The following MYADML2 variants were observed in gnomAD, a reference collection of about 807,000 sequenced individuals.
The protein encoded by MYADML2 is myeloid-associated differentiation marker-like protein 2.
MYADML2 carries 17 observed loss-of-function variants against 16.0 expected under a neutral mutation model. The ratio of observed to expected loss-of-function variants is 1.06; its 90% confidence interval spans 0.73 to 1.60. The LOEUF (loss-of-function observed/expected upper bound fraction) is 1.60, where lower values mean the gene tolerates loss of function less well. MYADML2 is among the 40% of genes most tolerant of loss of function. The pLI, the probability that MYADML2 is intolerant of heterozygous loss-of-function variation, is 0.00. For synonymous variants in MYADML2, 210 were observed against 208.1 expected (o/e 1.01, Z -0.08); for missense variants, 422 against 437.7 (o/e 0.96, Z 0.32).
In MYADML2 at chr17:81,947,143, C is replaced by G. The variant is rs1051150569; in HGVS notation, c.-265G>C. The G allele has an allele frequency of 6.6e-6, 1 of 152,168 alleles. No individual in the cohort carries two copies. The highest frequency in any genetic ancestry group is 2.4e-5 in the African/African-American group (1 of 41,432). 9.4% of individuals were successfully genotyped at this position (152,168 alleles called of 1,614,324 possible). A position where few individuals can be genotyped will look rare whatever the true frequency, so the allele number is the denominator to read the frequency against. On this transcript the variant is annotated 5_prime_UTR_variant, in exon 1 of 3. Transcript: ENST00000409745. The stretch of plus-strand genomic sequence containing the variant: ...AACATGCCATTTTGTATCAGGGACT[C>G]TGGCCTTGTGGATTCTGGTGTTTTG...
chr17:81,943,546 G>A (rs1173214950), intron 1 of MYADML2, among the ~76,000 whole-genome samples: 2 of 150,060 alleles, frequency 1.3e-5, no homozygotes, highest in African/African-American at 4.9e-5. Context: ...TGGGACTACA[G>A]GTGCCCGCCA....
chr17:81,944,905 C>T (rs534899892), intron 1 of MYADML2, among the ~76,000 whole-genome samples: 1 of 152,200 alleles, frequency 6.6e-6, no homozygotes, highest in Non-Finnish European at 1.5e-5. Context: ...CTGGAGAGGC[C>T]TCCAGATGAA....
rs1289637090 is a variant in MYADML2 at position 81,942,435 on chromosome 17, C to G, written c.-180-62G>C. The G allele has an allele frequency of 6.6e-6, 1 of 152,296 alleles. No homozygotes were observed. The highest frequency in any genetic ancestry group is 2.4e-5 in the African/African-American group (1 of 41,450). 9.4% of individuals were successfully genotyped at this position (152,296 alleles called of 1,614,324 possible). A position where few individuals can be genotyped will look rare whatever the true frequency, so the allele number is the denominator to read the frequency against. On this transcript the variant is annotated intron_variant, in intron 1 of 2. Transcript: ENST00000409745. The surrounding 1 kb of genome is among the most constrained non-coding windows in gnomAD (Gnocchi z 4.4). ...GCCTCTGCTCCCCGAGCCCCGCTCC[C>G]CACCCTCATTCTGTCTCGTCCCTAA... is the stretch of plus-strand genomic sequence containing the variant.
Position 81,941,057 on chromosome 17 carries a change from G to A in MYADML2, c.685C>T (p.Arg229Trp), listed in dbSNP as rs62077244. Residue 229 changes from arginine (R) to tryptophan (W), a missense_variant, in exon 3 of 3, where the codon CGG (arginine) becomes TGG (tryptophan). Arg to Trp is a moderately radical substitution (Grantham distance 101). Coordinates refer to ENST00000409745, the MANE Select transcript of MYADML2 (RefSeq NM_001145113.3). ...HTGGLGCPFD[R>W]LVVVYTFLAV... The stretch of plus-strand genomic sequence containing the variant: ...AGGAAGGTGTACACCACCACCAGCC[G>A]GTCAAAGGGGCAGCCCAGGCCCCCT... 0.04 allele frequency: 61,902 copies of A among 1,550,386 alleles called. 1,411 individuals are homozygous for A. Among genetic ancestry groups the A allele is most frequent in the Middle Eastern group, 0.092 (550 of 5,992 alleles).
At chr17:81,943,362 C>A (rs2041320176) in intron 1 of MYADML2, among the ~76,000 whole-genome samples, 1 of 149,908 alleles carries the variant, frequency 6.7e-6, no homozygotes, top group South Asian at 2.1e-4. Flanking sequence ...AGCCACTGTG[C>A]CCGGCCGGAA....
At position 81,940,115 on chromosome 17, in the gene MYADML2, G is replaced by A. The variant is rs563382483; in HGVS notation, c.*703C>T. The A allele has an allele frequency of 6.6e-6, 1 of 152,442 alleles. No homozygotes were observed. The highest frequency in any genetic ancestry group is 6.5e-5 in the Admixed American group (1 of 15,310). 9.4% of individuals were successfully genotyped at this position (152,442 alleles called of 1,614,324 possible). A position where few individuals can be genotyped will look rare whatever the true frequency, so the allele number is the denominator to read the frequency against. ...AGGCCACCCGCGCCACCTCCAGCCT[G>A]CGGAGACTCCGGAGGAAGCCTGCTT... On this transcript the variant is annotated 3_prime_UTR_variant, in exon 3 of 3. Coordinates refer to ENST00000409745, the MANE Select transcript of MYADML2 (RefSeq NM_001145113.3).
Position 81,945,614 on chromosome 17 carries a change from A to C in MYADML2, c.-181+1445T>G, listed in dbSNP as rs914079037. On this transcript the variant is annotated intron_variant, in intron 1 of 2. Transcript: ENST00000409745. Reference sequence around the variant, plus strand: ...TTACTGGGGAGGCTGAGGTAGGAGAATCGCTTGAACCCAGGAGACCGAGGT... The same window carrying C: ...TTACTGGGGAGGCTGAGGTAGGAGACTCGCTTGAACCCAGGAGACCGAGGT... Among the ~76,000 whole-genome samples the C allele has an allele frequency of 5.3e-5, 8 of 151,556 alleles. No individual in the cohort carries two copies. In the South Asian group the frequency reaches 8.3e-4, roughly 16 times the overall value.
In MYADML2 at chr17:81,940,647, T is replaced by C. The variant is rs2041294093; in HGVS notation, c.*171A>G. 3 of 727,978 alleles carry C rather than the reference T, an allele frequency of 4.1e-6. No individual in the cohort carries two copies. Among genetic ancestry groups the C allele is most frequent in the African/African-American group, 1.8e-5 (1 of 56,226 alleles). The allele number at this position is 727,978 out of a possible 1,614,324, so 45.1% of individuals were successfully genotyped here. The stretch of plus-strand genomic sequence containing the variant: ...TGCCCTACTGTCCTGCCCTTGTCCC[T>C]CTGAGCCCAGTCTGGAAGTCGGGGA... On this transcript the variant is annotated 3_prime_UTR_variant, in exon 3 of 3. Transcript: ENST00000409745.
chr17:81,945,257 T>TCTG (rs2041334965), intron 1 of MYADML2, among the ~76,000 whole-genome samples: 2 of 150,708 alleles, frequency 1.3e-5, no homozygotes, highest in African/African-American at 4.9e-5. Context: ...AAAAAACAAT[T>TCTG]GGCTGGGTGC....
At chr17:81,945,249 A>T (rs1285170638) in intron 1 of MYADML2, among the ~76,000 whole-genome samples, 2 of 152,020 alleles carry the variant, frequency 1.3e-5, no homozygotes, top group African/African-American at 4.8e-5. Flanking sequence ...TAAAAAAAAA[A>T]AAACAATTGG....
rs1014879804 is a variant in MYADML2, at chr17:81,940,426, A to C, written c.*392T>G. On this transcript the variant is annotated 3_prime_UTR_variant, in exon 3 of 3. Coordinates refer to ENST00000409745, the MANE Select transcript of MYADML2 (RefSeq NM_001145113.3). ...GTGGTCTCCAGACACTAATGGAGGT[A>C]CTGGGTGCCTCGCAAATGCTTCTAG... The C allele has an allele frequency of 1.1e-5, 2 of 185,402 alleles. No homozygotes were observed. The highest frequency in any genetic ancestry group is 2.3e-5 in the Non-Finnish European group (2 of 87,596). The allele number at this position is 185,402 out of a possible 1,614,324, so 11.5% of individuals were successfully genotyped here.
chr17:81,941,883 G>A, intron 2 of MYADML2, 40 bp from the exon 3 acceptor site: 2 of 802,472 alleles, frequency 2.5e-6, no homozygotes, highest in Non-Finnish European at 3.9e-6. Context: ...CAGCAGGGCA[G>A]CCTCTCTGCT....
In MYADML2 at chr17:81,941,541, C is replaced by T; in HGVS notation, c.201G>A (p.Leu67=). 17 of 1,548,376 alleles carry T rather than the reference C, an allele frequency of 1.1e-5. No homozygotes were observed. Among genetic ancestry groups the T allele is most frequent in the Non-Finnish European group, 1.5e-5 (17 of 1,146,710 alleles). The change falls in exon 3 of 3, where the codon CTG becomes CTA. Residue 67 remains leucine (L), a synonymous_variant. Coordinates refer to ENST00000409745, the MANE Select transcript of MYADML2 (RefSeq NM_001145113.3). ...AWGFCFAVSA[L]VVACEFTRLH... ...GCCGTGTGAACTCACAGGCCACCAC[C>T]AGCGCAGAGACGGCGAAGCAGAAGC...
At chr17:81,944,625 A>C (rs1266627582) in intron 1 of MYADML2, among the ~76,000 whole-genome samples, 1 of 151,978 alleles carries the variant, frequency 6.6e-6, no homozygotes, top group East Asian at 1.9e-4. Flanking sequence ...GGGTGACAGG[A>C]GCGTCTTTTG....
intron 1 of MYADML2, among the ~76,000 whole-genome samples, chr17:81,946,444 C>T (rs552044461): frequency 0.02 from 3,022 of 150,614 alleles, 122 homozygotes; most frequent in African/African-American, 0.07. Flanking sequence ...GTCAGGAGAT[C>T]GAGACCATCC....
In MYADML2 at chr17:81,942,176, C is replaced by T. The variant is rs1235066645; in HGVS notation, c.-103+120G>A. On this transcript the variant is annotated intron_variant, in intron 2 of 2. Coordinates refer to ENST00000409745, the MANE Select transcript of MYADML2 (RefSeq NM_001145113.3). The surrounding 1 kb of genome is among the most constrained non-coding windows in gnomAD (Gnocchi z 4.4). ...GCATGAGGGTCCCCACGGGGTAACC[C>T]CAGCTCCAGCAGCCTCCAGGGCCAG... 6.3e-6 allele frequency: 1 copy of T among 159,662 alleles called. No homozygotes were observed. Among genetic ancestry groups the T allele is most frequent in the Non-Finnish European group, 1.4e-5 (1 of 73,194 alleles). 9.9% of individuals were successfully genotyped at this position (159,662 alleles called of 1,614,324 possible).
In MYADML2 at chr17:81,942,698, G is replaced by A. The variant is rs1359780229; in HGVS notation, c.-180-325C>T. ...CCCAAGTAGCTGAGATTACAGGCGT[G>A]AGCCACCATGCCTGGCTAATTTTTT... On this transcript the variant is annotated intron_variant, in intron 1 of 2. Transcript: ENST00000409745. This position sits in a 1 kb window ranked among gnomAD's most constrained non-coding sequence, Gnocchi z 4.4. Among the ~76,000 whole-genome samples the A allele has an allele frequency of 6.6e-6, 1 of 151,916 alleles. No individual in the cohort carries two copies. Among genetic ancestry groups the A allele is most frequent in the Non-Finnish European group, 1.5e-5 (1 of 68,000 alleles).
Position 81,941,744 on chromosome 17 carries a change from G to T in MYADML2, c.-3C>A. On this transcript the variant is annotated 5_prime_UTR_variant, in exon 3 of 3. Coordinates refer to ENST00000409745, the MANE Select transcript of MYADML2 (RefSeq NM_001145113.3). ...GGGGGCTCCATGGTGCTGCCCATCT[G>T]GCCAGCCACGTTTCCAGCTCACACA... 6.7e-7 allele frequency: 1 copy of T among 1,499,010 alleles called. No homozygotes were observed. Among genetic ancestry groups the T allele is most frequent in the South Asian group, 1.3e-5 (1 of 77,612 alleles). The allele number at this position is 1,499,010 out of a possible 1,614,324, so 92.9% of individuals were successfully genotyped here.
At chr17:81,943,497 A>G (rs924595173) in intron 1 of MYADML2, among the ~76,000 whole-genome samples, 20 of 145,236 alleles carry the variant, frequency 1.4e-4, no homozygotes, top group Non-Finnish European at 2.5e-4. Flanking sequence ...TCTGCCTCCC[A>G]GGTTCACGCC....
Sources: allele counts gnomAD v4.1 joint callset (sites outside exome capture counted in the v4.1 genomes callset), GRCh38; gene constraint gnomAD v4.1.1; non-coding constraint Gnocchi (gnomAD v3.1); transcripts MANE v1.5; gene names NCBI Gene and HGNC (gene_info 2026-07-23, HGNC 2026-07-21).